Variants in AATF observed in about 807,000 individuals in gnomAD.
AATF encodes the protein protein AATF.
Under a neutral mutation model 63.7 loss-of-function variants are expected in AATF, and 48 were observed. The ratio of observed to expected loss-of-function variants is 0.75; its 90% CI spans 0.60 to 0.96. The LOEUF is 0.96. Among genes scored for constraint, AATF ranks in the 40% least tolerant of loss-of-function variants. AATF has a pLI of 0.00. For missense variants in AATF, 639 were observed against 685.7 expected (o/e 0.93, Z 0.76); for synonymous variants, 258 against 247.7 (o/e 1.04, Z -0.39).
intron 4 of AATF, among the ~76,000 whole-genome samples, chr17:36,984,033 G>A (rs974445251): frequency 6.6e-6 from 1 of 152,226 alleles, no homozygotes; most frequent in African/African-American, 2.4e-5. Context: ...GATGGAAAAA[G>A]TTGGGATATA....
intron 4 of AATF, among the ~76,000 whole-genome samples, chr17:36,955,069 C>T (rs1567963468): frequency 2.0e-5 from 3 of 152,258 alleles, no homozygotes; most frequent in African/African-American, 7.2e-5. Context: ...TGAGCCTCTG[C>T]GCTCAGCTGA....
chr17:37,019,359 A>G (rs965419509), intron 9 of AATF, among the ~76,000 whole-genome samples: 5 of 152,184 alleles, frequency 3.3e-5, no homozygotes, highest in African/African-American at 1.2e-4. Context: ...ATCCATATCA[A>G]TCTGTTGACC....
intron 11 of AATF, 72 bp downstream of exon 11, chr17:37,031,757 C>T (rs569319880): frequency 4.7e-5 from 56 of 1,202,482 alleles, no homozygotes; most frequent in Admixed American, 3.5e-4. Context: ...CTACAGCCTT[C>T]GCCCTCTCCA....
At chr17:36,955,493 G>A (rs759444871) in intron 4 of AATF, among the ~76,000 whole-genome samples, 10 of 152,100 alleles carry the variant, frequency 6.6e-5, no homozygotes, top group Non-Finnish European at 1.5e-4. Flanking sequence ...ATGACAGATT[G>A]ATGGTTTTCA....
At chr17:36,960,016 A>C (rs1158147570) in intron 4 of AATF, among the ~76,000 whole-genome samples, 3 of 150,930 alleles carry the variant, frequency 2.0e-5, no homozygotes, top group Admixed American at 2.0e-4. Flanking sequence ...CTAGACTAAA[A>C]TTTTTTTCCC....
chr17:36,996,796 T>G, intron 8 of AATF, among the ~76,000 whole-genome samples: 1 of 152,174 alleles, frequency 6.6e-6, no homozygotes, highest in East Asian at 1.9e-4. Context: ...TCTAGAAATT[T>G]CATCAAACAG....
chr17:37,046,793 G>T (rs544996971), intron 11 of AATF, among the ~76,000 whole-genome samples: 1 of 151,548 alleles, frequency 6.6e-6, no homozygotes, highest in East Asian at 1.9e-4. Flanking sequence ...GCCCTGGGTT[G>T]TTGGGCAGCA....
chr17:37,010,781 G>T (rs765782112), intron 8 of AATF, among the ~76,000 whole-genome samples: 2 of 152,178 alleles, frequency 1.3e-5, no homozygotes, highest in African/African-American at 2.4e-5. Context: ...GCCTGTTCCC[G>T]CAGTGCATAT....
At chr17:36,955,700 A>G (rs1029078175) in intron 4 of AATF, among the ~76,000 whole-genome samples, 22 of 152,162 alleles carry the variant, frequency 1.4e-4, no homozygotes, top group African/African-American at 4.8e-4. Context: ...TTCATATTTA[A>G]ATATAGATAT....
chr17:37,026,163 C>G (rs767403113), intron 10 of AATF, among the ~76,000 whole-genome samples: 1 of 152,172 alleles, frequency 6.6e-6, no homozygotes, highest in East Asian at 1.9e-4. Flanking sequence ...CAGTACTCAT[C>G]AAGTGTCAAA....
At chr17:37,053,694 C>T (rs2071772886) in intron 11 of AATF, among the ~76,000 whole-genome samples, 2 of 152,230 alleles carry the variant, frequency 1.3e-5, no homozygotes, top group South Asian at 4.1e-4. Flanking sequence ...TGGTAAAACC[C>T]CGTCTCTACT....
chr17:36,960,835 TG>T (rs2070941487), intron 4 of AATF, among the ~76,000 whole-genome samples: 1 of 152,382 alleles, frequency 6.6e-6, no homozygotes, highest in Non-Finnish European at 1.5e-5. Flanking sequence ...TGAGTAAGAT[TG>T]ATCTTTTTGC....
intron 4 of AATF, among the ~76,000 whole-genome samples, chr17:36,962,531 T>C (rs968126906): frequency 6.6e-6 from 1 of 152,142 alleles, no homozygotes; most frequent in Non-Finnish European, 1.5e-5. Context: ...GTTGGGTTTC[T>C]TAGGAGTGAG....
intron 11 of AATF, chr17:37,055,292 A>G (rs1048431177): frequency 6.6e-6 from 1 of 152,138 alleles, no homozygotes; most frequent in African/African-American, 2.4e-5. Context: ...GCTAGCTTAC[A>G]TTTGTGGCTT....
intron 4 of AATF, among the ~76,000 whole-genome samples, chr17:36,964,083 A>C (rs1337070127): frequency 6.6e-6 from 1 of 152,040 alleles, no homozygotes; most frequent in Non-Finnish European, 1.5e-5. Flanking sequence ...AAGTATAGGC[A>C]ACTCTTTGAA....
At position 37,053,348 on chromosome 17, in the gene AATF, A is replaced by G. The variant is rs562238232; in HGVS notation, c.1620-3253A>G. 6.6e-5 allele frequency among the ~76,000 whole-genome samples: 10 copies of G among 152,160 alleles called. No individual in the cohort carries two copies. The South Asian group carries it at 2.1e-3, about 32-fold the overall frequency. ...AATAATAATCCAGAGGAACATTTTT[A>G]AACTACTTAGAGCCTTATAATGTCA... On this transcript the variant is annotated intron_variant, in intron 11 of 11. Transcript: ENST00000619387.
intron 4 of AATF, among the ~76,000 whole-genome samples, chr17:36,984,857 C>G (rs988972714): frequency 4.0e-5 from 6 of 150,782 alleles, no homozygotes; most frequent in African/African-American, 1.5e-4. Context: ...AGGCTGGACT[C>G]AAACTCCTGT....
intron 11 of AATF, among the ~76,000 whole-genome samples, chr17:37,038,736 T>C (rs1426814135): frequency 2.0e-5 from 3 of 152,154 alleles, no homozygotes; most frequent in Non-Finnish European, 4.4e-5. Flanking sequence ...TTTAGCTCCC[T>C]GTTCTCTCCC....
intron 11 of AATF, among the ~76,000 whole-genome samples, chr17:37,041,906 G>GGT (rs2071643733): frequency 1.3e-5 from 2 of 152,136 alleles, no homozygotes; most frequent in African/African-American, 4.8e-5. Context: ...CATATAATAT[G>GGT]GTAGGCAGTG....
Sources: allele counts gnomAD v4.1 joint callset (sites outside exome capture counted in the v4.1 genomes callset), GRCh38; gene constraint gnomAD v4.1.1; transcripts MANE v1.5; gene names NCBI Gene and HGNC (gene_info 2026-07-23, HGNC 2026-07-21).